The following SLC10A7 variants were observed in gnomAD, a reference collection of about 807,000 sequenced individuals.
SLC10A7 encodes sodium/bile acid cotransporter 7.
Under a neutral mutation model 43.2 loss-of-function variants are expected in SLC10A7, and 29 were observed. The observed-to-expected ratio is 0.67, with a 90% CI of 0.50 to 0.92. The LOEUF (loss-of-function observed/expected upper bound fraction) is 0.92. SLC10A7 is among the 40% of genes least tolerant of loss of function. The pLI is 0.00. For missense variants in SLC10A7, 295 were observed against 403.2 expected, an observed-to-expected ratio of 0.73 and a Z score of 2.30; for synonymous variants, 152 against 144.8, an observed-to-expected ratio of 1.05 and a Z score of -0.35.
chr4:146,471,296 T>C (rs1733550905), intron 4 of SLC10A7, among the ~76,000 whole-genome samples: 1 of 152,228 alleles, frequency 6.6e-6, no homozygotes, highest in Non-Finnish European at 1.5e-5. Context: ...TTCCTAAATT[T>C]AGGCATATAC....
intron 10 of SLC10A7, among the ~76,000 whole-genome samples, chr4:146,266,384 CT>C (rs746319340): frequency 1.5e-3 from 235 of 152,040 alleles, no homozygotes; most frequent in Non-Finnish European, 1.7e-3. Context: ...AAATGCCAAT[CT>C]TTTTGCCCCT....
At chr4:146,449,567 C>T (rs1168602764) in intron 4 of SLC10A7, among the ~76,000 whole-genome samples, 1 of 152,034 alleles carries the variant, frequency 6.6e-6, no homozygotes, top group Admixed American at 6.6e-5. Flanking sequence ...GTGACAGTAT[C>T]GATAAGCTAA....
chr4:146,321,772 G>A (rs999902407), intron 6 of SLC10A7, among the ~76,000 whole-genome samples: 5 of 152,048 alleles, frequency 3.3e-5, no homozygotes, highest in Non-Finnish European at 5.9e-5. Context: ...TTCTTGCTCC[G>A]TTACTTGCTC....
At chr4:146,431,558 T>C in intron 5 of SLC10A7, among the ~76,000 whole-genome samples, 1 of 152,010 alleles carries the variant, frequency 6.6e-6, no homozygotes. Context: ...AATGGACAAA[T>C]GTGACAGACA....
At position 146,510,062 on chromosome 4, in the gene SLC10A7, A is replaced by G. The variant is rs370896386; in HGVS notation, c.184-13T>C. The G allele has an allele frequency of 5.0e-6, 8 of 1,590,008 alleles. No homozygotes were observed. In the Admixed American group the frequency reaches 7.4e-5, roughly 15 times the overall value. On this transcript the variant is annotated splice_polypyrimidine_tract_variant and intron_variant, in intron 2 of 11. Transcript: ENST00000335472. ...CACTGGTCAGCTCCTGGAAAAATTA[A>G]GGAAACAAAATAAACAAAGGTAAGA...
At chr4:146,443,158 G>A (rs1022912055) in intron 4 of SLC10A7, among the ~76,000 whole-genome samples, 2 of 152,092 alleles carry the variant, frequency 1.3e-5, no homozygotes, top group African/African-American at 4.8e-5. Flanking sequence ...AACAATCAGA[G>A]ATTGATTTAT....
chr4:146,472,436 G>GTTTTTTTT (rs5862760), intron 4 of SLC10A7, among the ~76,000 whole-genome samples: 1 of 128,938 alleles, frequency 7.8e-6, no homozygotes, highest in Non-Finnish European at 1.6e-5. Flanking sequence ...GGCTTATTCT[G>GTTTTTTTT]TTTTTTTTTT....
intron 4 of SLC10A7, among the ~76,000 whole-genome samples, chr4:146,493,462 G>A (rs1368500675): frequency 1.3e-5 from 2 of 151,618 alleles, no homozygotes; most frequent in African/African-American, 2.4e-5. Flanking sequence ...CTCCAGCCTG[G>A]GCAACAGTGC....
At chr4:146,305,256 T>C (rs1201542919) in intron 7 of SLC10A7, among the ~76,000 whole-genome samples, 1 of 151,330 alleles carries the variant, frequency 6.6e-6, no homozygotes, top group East Asian at 1.9e-4. Context: ...TAAAAAATGA[T>C]GAGTTCATGT....
intron 4 of SLC10A7, 61 bp downstream of exon 4, chr4:146,503,788 T>A: frequency 6.8e-7 from 1 of 1,470,966 alleles, no homozygotes; most frequent in Non-Finnish European, 9.5e-7. Flanking sequence ...AAATGTGATA[T>A]ATTTTTGAAA....
intron 5 of SLC10A7, among the ~76,000 whole-genome samples, chr4:146,391,222 G>A (rs1738403508): frequency 6.6e-6 from 1 of 152,092 alleles, no homozygotes; most frequent in Non-Finnish European, 1.5e-5. Flanking sequence ...CTTTCTTACA[G>A]TTCTCATATA....
chr4:146,447,454 G>A (rs1004615105), intron 4 of SLC10A7, among the ~76,000 whole-genome samples: 2 of 151,908 alleles, frequency 1.3e-5, no homozygotes, highest in African/African-American at 2.4e-5. Context: ...TCCTTTGTTA[G>A]AAAATATTTC....
intron 5 of SLC10A7, among the ~76,000 whole-genome samples, chr4:146,398,952 C>T (rs147396193): frequency 1.0e-3 from 154 of 152,270 alleles, no homozygotes; most frequent in African/African-American, 3.7e-3. Flanking sequence ...GACAAGGACC[C>T]GACTCTCTAG....
At chr4:146,490,063 C>T (rs919168254) in intron 4 of SLC10A7, among the ~76,000 whole-genome samples, 1 of 151,736 alleles carries the variant, frequency 6.6e-6, no homozygotes, top group Non-Finnish European at 1.5e-5. Flanking sequence ...TGACATCAAA[C>T]CAAGAGAATT....
intron 3 of SLC10A7, among the ~76,000 whole-genome samples, chr4:146,509,050 C>T (rs1394258877): frequency 6.6e-6 from 1 of 152,200 alleles, no homozygotes; most frequent in Non-Finnish European, 1.5e-5. Flanking sequence ...TTCCCTAGAA[C>T]ATTCTGCCCC....
rs537376465 is a variant in SLC10A7, at chr4:146,343,275, C to A, written c.436-17279G>T. On this transcript the variant is annotated intron_variant, in intron 5 of 11. Coordinates refer to ENST00000335472, the MANE Select transcript of SLC10A7 (RefSeq NM_001029998.6). ...GAGCTACTAATTCAAATACTGACAG[C>A]CACCAGACTGGCAAGGTGAATGTGC... Among the ~76,000 whole-genome samples, 4 of 152,110 alleles carry A rather than the reference C, an allele frequency of 2.6e-5. No homozygotes were observed. In the East Asian group the frequency reaches 7.7e-4, roughly 29 times the overall value.
intron 4 of SLC10A7, among the ~76,000 whole-genome samples, chr4:146,471,060 G>A (rs768819794): frequency 1.5e-4 from 23 of 152,112 alleles, no homozygotes; most frequent in Non-Finnish European, 1.8e-4. Context: ...TAACCAAAAT[G>A]CTTAGGACCA....
Position 146,444,602 on chromosome 4 carries a change from C to T in SLC10A7, c.397-1781G>A, listed in dbSNP as rs74496125. 9.4e-3 allele frequency among the ~76,000 whole-genome samples: 1,437 copies of T among 152,210 alleles called. 14 individuals are homozygous for T. The highest frequency in any genetic ancestry group is 0.024 in the Middle Eastern group (7 of 294). On this transcript the variant is annotated intron_variant, in intron 4 of 11. Transcript: ENST00000335472. ...CTCTTGTTCTCTTCTTTAACCCAAA[C>T]GCAAGAAATACATTTTATATGAATT...
chr4:146,409,378 T>C (rs2149829400), intron 5 of SLC10A7, among the ~76,000 whole-genome samples: 1 of 146,882 alleles, frequency 6.8e-6, no homozygotes, highest in Admixed American at 6.8e-5. Context: ...AAAGTACATA[T>C]TGTATGATTC....
Sources: allele counts gnomAD v4.1 joint callset (sites outside exome capture counted in the v4.1 genomes callset), GRCh38; gene constraint gnomAD v4.1.1; transcripts MANE v1.5; gene names NCBI Gene and HGNC (gene_info 2026-07-23, HGNC 2026-07-21).